The following RNF150 variants were observed in gnomAD, a reference collection of about 807,000 sequenced individuals.
The protein encoded by RNF150 is ring finger protein 150.
RNF150 carries 24 observed loss-of-function variants against 39.3 expected under a neutral mutation model. The ratio of observed to expected loss-of-function variants is 0.61; its 90% CI spans 0.44 to 0.86. The LOEUF (loss-of-function observed/expected upper bound fraction) is 0.86. Among genes scored for constraint, RNF150 ranks in the 40% least tolerant of loss-of-function variants. The pLI is 0.00. For missense variants in RNF150, 502 were observed against 587.8 expected (o/e 0.85, Z 1.51); for synonymous variants, 255 against 227.3 (o/e 1.12, Z -1.10).
At chr4:141,138,840 C>A (rs1293534460) in intron 1 of RNF150, among the ~76,000 whole-genome samples, 1 of 152,108 alleles carries the variant, frequency 6.6e-6, no homozygotes, top group Non-Finnish European at 1.5e-5. Flanking sequence ...GAAGAGATTT[C>A]AAGGAGGGGT....
chr4:141,082,267 T>G (rs1422280778), intron 1 of RNF150, among the ~76,000 whole-genome samples: 2 of 152,222 alleles, frequency 1.3e-5, no homozygotes, highest in African/African-American at 4.8e-5. Flanking sequence ...ACATAATAAC[T>G]GAGGGATTAA....
chr4:141,159,145 T>C (rs1172655957), intron 1 of RNF150, among the ~76,000 whole-genome samples: 3 of 152,200 alleles, frequency 2.0e-5, no homozygotes, highest in Non-Finnish European at 4.4e-5. Flanking sequence ...TGTTTCCAAA[T>C]TTTTGACCAG....
intron 2 of RNF150, among the ~76,000 whole-genome samples, chr4:140,951,561 T>G (rs543179516): frequency 0.024 from 3,701 of 151,840 alleles, 67 homozygotes; most frequent in Non-Finnish European, 0.039. Flanking sequence ...GTTTTTTTTT[T>G]TTTTTGCAAG....
intron 1 of RNF150, among the ~76,000 whole-genome samples, chr4:141,111,803 C>A (rs1739392972): frequency 6.6e-6 from 1 of 152,086 alleles, no homozygotes; most frequent in African/African-American, 2.4e-5. Context: ...ACTTTACATA[C>A]CTGTATATGG....
chr4:141,085,144 A>C (rs1357808147), intron 1 of RNF150, among the ~76,000 whole-genome samples: 1 of 152,212 alleles, frequency 6.6e-6, no homozygotes, highest in African/African-American at 2.4e-5. Flanking sequence ...TCATGATGGA[A>C]GGTGAAGGAG....
chr4:141,065,445 GA>G (rs1265082594), intron 1 of RNF150, among the ~76,000 whole-genome samples: 5 of 152,078 alleles, frequency 3.3e-5, no homozygotes, highest in Admixed American at 6.5e-5. Context: ...AAAATATAGG[GA>G]AAAAAATCCT....
chr4:140,897,355 G>C (rs1202956056), intron 6 of RNF150, among the ~76,000 whole-genome samples: 1 of 152,132 alleles, frequency 6.6e-6, no homozygotes, highest in Non-Finnish European at 1.5e-5. Flanking sequence ...TTGAAACTCT[G>C]GCTTTAGAAC....
chr4:140,998,025 A>C (rs1402468634), intron 1 of RNF150, among the ~76,000 whole-genome samples: 1 of 152,202 alleles, frequency 6.6e-6, no homozygotes, highest in Non-Finnish European at 1.5e-5. Flanking sequence ...ATGCTTTCAC[A>C]GACTCCAGAT....
intron 6 of RNF150, among the ~76,000 whole-genome samples, chr4:140,901,637 A>C (rs1329133112): frequency 1.3e-5 from 2 of 152,238 alleles, no homozygotes; most frequent in Non-Finnish European, 2.9e-5. Flanking sequence ...ACTGTATGCC[A>C]TAAACTGTGC....
At chr4:141,122,469 T>C (rs1274600867) in intron 1 of RNF150, among the ~76,000 whole-genome samples, 1 of 152,264 alleles carries the variant, frequency 6.6e-6, no homozygotes, top group Admixed American at 6.5e-5. Context: ...TGAGCAAACA[T>C]CTGAAGACTT....
intron 2 of RNF150, 126 bp downstream of exon 2, chr4:140,967,497 T>C: frequency 8.9e-6 from 6 of 675,214 alleles, no homozygotes; most frequent in Non-Finnish European, 9.9e-6. Context: ...ATACAGCAAA[T>C]GTTAACAGTG....
At chr4:140,926,314 A>C (rs1029195411) in intron 4 of RNF150, among the ~76,000 whole-genome samples, 2 of 152,236 alleles carry the variant, frequency 1.3e-5, no homozygotes, top group African/African-American at 4.8e-5. Context: ...AAGTTTCAGA[A>C]AATGTAGAAA....
In RNF150 at chr4:140,868,072, T is replaced by C. The variant is rs1728782337; in HGVS notation, c.*189A>G. ...CAGCTGCCAAGGCCACAGACTGCCA[T>C]ACCGATGGAGAAACTGCATCCTGAT... On this transcript the variant is annotated 3_prime_UTR_variant, in exon 7 of 7. Transcript: ENST00000515673. 5.5e-6 allele frequency: 3 copies of C among 542,786 alleles called. No individual in the cohort carries two copies. Among genetic ancestry groups the C allele is most frequent in the African/African-American group, 1.9e-5 (1 of 51,958 alleles). 33.6% of individuals were successfully genotyped at this position (542,786 alleles called of 1,614,324 possible).
chr4:140,910,927 G>A, intron 6 of RNF150: 1 of 598,670 alleles, frequency 1.7e-6, no homozygotes, highest in East Asian at 2.8e-5. Context: ...TCAGTGTGTG[G>A]GCAGGCAGGA....
intron 1 of RNF150, among the ~76,000 whole-genome samples, chr4:141,156,288 T>A (rs963321271): frequency 6.6e-6 from 1 of 152,200 alleles, no homozygotes; most frequent in African/African-American, 2.4e-5. Flanking sequence ...TATATTTATT[T>A]ATTTATTTCT....
Position 140,935,282 on chromosome 4 carries a change from A to G in RNF150, c.891-9209T>C, listed in dbSNP as rs576747305. On this transcript the variant is annotated intron_variant, in intron 4 of 6. Transcript: ENST00000515673. Reference sequence around the variant, plus strand: ...AAGAAATTTTTACTTTGGGAATGCAAGCTGGGAGGAATTGCAGGACCCTCA... The same window carrying G: ...AAGAAATTTTTACTTTGGGAATGCAGGCTGGGAGGAATTGCAGGACCCTCA... 4.0e-5 allele frequency among the ~76,000 whole-genome samples: 6 copies of G among 151,744 alleles called. No homozygotes were observed. The East Asian group carries it at 9.7e-4, about 25-fold the overall frequency.
chr4:141,006,951 G>C (rs891890753), intron 1 of RNF150, among the ~76,000 whole-genome samples: 1 of 152,134 alleles, frequency 6.6e-6, no homozygotes, highest in Non-Finnish European at 1.5e-5. Flanking sequence ...ATAGATATCT[G>C]TAAGAAAACT....
chr4:140,992,436 A>AG (rs369669400), intron 1 of RNF150, among the ~76,000 whole-genome samples: 1 of 152,150 alleles, frequency 6.6e-6, no homozygotes, highest in African/African-American at 2.4e-5. Context: ...GGGAAAAAAA[A>AG]GGAATAAAAC....
intron 1 of RNF150, among the ~76,000 whole-genome samples, chr4:141,211,025 A>G (rs980622100): frequency 2.6e-5 from 4 of 152,186 alleles, no homozygotes; most frequent in Non-Finnish European, 5.9e-5. Context: ...GAGCATGGTA[A>G]AAGAATCCCA....
Sources: allele counts gnomAD v4.1 joint callset (sites outside exome capture counted in the v4.1 genomes callset), GRCh38; gene constraint gnomAD v4.1.1; transcripts MANE v1.5; gene names NCBI Gene and HGNC (gene_info 2026-07-23, HGNC 2026-07-21).